The following GRIK2 variants were observed in gnomAD, a reference collection of about 807,000 sequenced individuals.
GRIK2 encodes the protein glutamate receptor ionotropic, kainate 2.
In GRIK2, 32 loss-of-function variants were observed where a neutral mutation model predicts 100.3. That is an observed-to-expected ratio of 0.32 (90% confidence interval 0.24 to 0.43). The LOEUF is 0.43. GRIK2 is among the 20% of genes least tolerant of loss of function. The pLI, the probability that GRIK2 is intolerant of heterozygous loss-of-function variation, is 1.00. For synonymous variants in GRIK2, 417 were observed against 389.4 expected, an observed-to-expected ratio of 1.07 and a Z score of -0.83; for missense variants, 843 against 1,114.9, an observed-to-expected ratio of 0.76 and a Z score of 3.47.
chr6:101,611,876 T>G (rs1372846958), intron 2 of GRIK2, among the ~76,000 whole-genome samples: 1 of 151,868 alleles, frequency 6.6e-6, no homozygotes, highest in Non-Finnish European at 1.5e-5. Flanking sequence ...AGCATACATT[T>G]AGGCACTCAC....
intron 2 of GRIK2, among the ~76,000 whole-genome samples, chr6:101,586,709 A>C (rs1397666890): frequency 7.1e-6 from 1 of 140,556 alleles, no homozygotes; most frequent in Non-Finnish European, 1.6e-5. Flanking sequence ...TCTCTACTAA[A>C]AATAAAATTA....
chr6:101,708,712 G>C (rs1773506720), intron 7 of GRIK2, among the ~76,000 whole-genome samples: 1 of 151,378 alleles, frequency 6.6e-6, no homozygotes, highest in African/African-American at 2.4e-5. Flanking sequence ...TCTTAGCAAG[G>C]GTACACTTGA....
chr6:101,841,522 C>T (rs1306932373), intron 10 of GRIK2, among the ~76,000 whole-genome samples: 1 of 152,064 alleles, frequency 6.6e-6, no homozygotes, highest in Non-Finnish European at 1.5e-5. Flanking sequence ...CACCACCATG[C>T]CCGGCTAAGT....
At chr6:101,869,756 C>G (rs965708351) in intron 11 of GRIK2, among the ~76,000 whole-genome samples, 2 of 151,768 alleles carry the variant, frequency 1.3e-5, no homozygotes, top group Non-Finnish European at 2.9e-5. Flanking sequence ...AAATCTGTCT[C>G]CTCAAGTTAG....
At chr6:102,017,155 C>T (rs958225430) in intron 14 of GRIK2, among the ~76,000 whole-genome samples, 1 of 152,114 alleles carries the variant, frequency 6.6e-6, no homozygotes, top group Non-Finnish European at 1.5e-5. Flanking sequence ...AAGACAATTG[C>T]TAGTCACTAC....
At chr6:101,484,772 A>AT (rs1305273286) in intron 2 of GRIK2, among the ~76,000 whole-genome samples, 2 of 152,032 alleles carry the variant, frequency 1.3e-5, no homozygotes, top group Non-Finnish European at 2.9e-5. Flanking sequence ...AGCCTACTAG[A>AT]TTTTTTTCAA....
At chr6:101,643,431 G>A (rs1781374857) in intron 4 of GRIK2, among the ~76,000 whole-genome samples, 1 of 151,026 alleles carries the variant, frequency 6.6e-6, no homozygotes, top group South Asian at 2.1e-4. Context: ...TTATTCTTTT[G>A]TATGTGGATA....
chr6:101,945,101 T>G (rs1791192176), intron 14 of GRIK2, among the ~76,000 whole-genome samples: 1 of 152,176 alleles, frequency 6.6e-6, no homozygotes, highest in South Asian at 2.1e-4. Context: ...AAAATTGCTT[T>G]TAGTACTTAG....
chr6:101,909,630 AAATG>A (rs780082266), intron 12 of GRIK2, among the ~76,000 whole-genome samples: 80 of 150,752 alleles, frequency 5.3e-4, no homozygotes, highest in South Asian at 2.5e-3. Context: ...AATGAATAAA[AAATG>A]AAGAAGAAAA....
chr6:101,598,771 T>C (rs1779052554), intron 2 of GRIK2, among the ~76,000 whole-genome samples: 1 of 151,598 alleles, frequency 6.6e-6, no homozygotes, highest in Non-Finnish European at 1.5e-5. Flanking sequence ...AGAAAGCAAG[T>C]AGCAGTTTTT....
At chr6:101,995,264 T>G (rs1189099278) in intron 14 of GRIK2, among the ~76,000 whole-genome samples, 1 of 151,922 alleles carries the variant, frequency 6.6e-6, no homozygotes, top group Non-Finnish European at 1.5e-5. Context: ...CAGGTCTGAC[T>G]AGGAGAACCA....
chr6:101,462,198 G>GCATAGC (rs1177406548), intron 2 of GRIK2, among the ~76,000 whole-genome samples: 2 of 152,154 alleles, frequency 1.3e-5, no homozygotes, highest in African/African-American at 4.8e-5. Flanking sequence ...GATTATGGTA[G>GCATAGC]AACTATACAT....
chr6:101,939,222 T>TC (rs1329388197), intron 14 of GRIK2, among the ~76,000 whole-genome samples: 1 of 152,072 alleles, frequency 6.6e-6, no homozygotes, highest in Non-Finnish European at 1.5e-5. Flanking sequence ...TGGCGTGAAA[T>TC]CCTACATTCC....
intron 2 of GRIK2, among the ~76,000 whole-genome samples, chr6:101,532,720 T>TAA (rs1775504900): frequency 6.6e-6 from 1 of 151,646 alleles, no homozygotes; most frequent in Non-Finnish European, 1.5e-5. Flanking sequence ...TATATATATA[T>TAA]AATGGAATCT....
intron 14 of GRIK2, among the ~76,000 whole-genome samples, chr6:101,979,695 T>A (rs1198589174): frequency 6.6e-6 from 1 of 151,970 alleles, no homozygotes; most frequent in Non-Finnish European, 1.5e-5. Context: ...TCTTCTAGCA[T>A]GCACACCCCC....
At chr6:101,485,907 C>T (rs1396219530) in intron 2 of GRIK2, among the ~76,000 whole-genome samples, 1 of 143,248 alleles carries the variant, frequency 7.0e-6, no homozygotes, top group East Asian at 2.1e-4. Context: ...CACAGTTGCA[C>T]CATTGCGCTT....
chr6:101,881,130 G>A (rs747165995), intron 11 of GRIK2, among the ~76,000 whole-genome samples: 50 of 151,806 alleles, frequency 3.3e-4, no homozygotes, highest in Middle Eastern at 3.8e-3. Context: ...AAATTTTGTG[G>A]ACTTACTTTA....
intron 2 of GRIK2, among the ~76,000 whole-genome samples, chr6:101,601,574 A>C (rs1779215618): frequency 6.6e-6 from 1 of 151,624 alleles, no homozygotes; most frequent in Admixed American, 6.6e-5. Flanking sequence ...GGGGTGTTTT[A>C]GATTTGTAGT....
At chr6:101,632,409 A>T (rs934796302) in intron 4 of GRIK2, among the ~76,000 whole-genome samples, 1 of 152,128 alleles carries the variant, frequency 6.6e-6, no homozygotes, top group African/African-American at 2.4e-5. Context: ...AATACTTCTT[A>T]ATAATAGGAA....
Sources: allele counts gnomAD v4.1 joint callset (sites outside exome capture counted in the v4.1 genomes callset), GRCh38; gene constraint gnomAD v4.1.1; transcripts MANE v1.5; gene names NCBI Gene and HGNC (gene_info 2026-07-23, HGNC 2026-07-21).